The following DLGAP4 variants were observed in gnomAD, a reference collection of about 807,000 sequenced individuals.
The protein encoded by DLGAP4 is DLG associated protein 4.
Under a neutral mutation model 86.9 loss-of-function variants are expected in DLGAP4, and 18 were observed. That is an observed-to-expected ratio of 0.21 (90% confidence interval 0.14 to 0.31). The LOEUF (loss-of-function observed/expected upper bound fraction) is 0.31, where lower values mean the gene tolerates loss of function less well. DLGAP4 is among the 10% of genes least tolerant of loss of function. DLGAP4 has a pLI of 1.00. For synonymous variants in DLGAP4, 548 were observed against 574.3 expected, an observed-to-expected ratio of 0.95 and a Z score of 0.65; for missense variants, 1,085 against 1,362.6, an observed-to-expected ratio of 0.80 and a Z score of 3.21.
At chr20:36,405,236 T>C (rs2032283287) in intron 2 of DLGAP4, among the ~76,000 whole-genome samples, 1 of 152,202 alleles carries the variant, frequency 6.6e-6, no homozygotes, top group Admixed American at 6.5e-5. Flanking sequence ...GTATGGACTC[T>C]GGATTTAAAC....
At chr20:36,468,926 C>T (rs1034576107) in intron 7 of DLGAP4, among the ~76,000 whole-genome samples, 5 of 152,170 alleles carry the variant, frequency 3.3e-5, no homozygotes, top group African/African-American at 1.2e-4. Flanking sequence ...CTCATTCTCC[C>T]GTATATTCAT....
At chr20:36,382,527 C>CTTTTTTTTTTTTTTTTTTTTTTTTTT (rs749210064) in intron 2 of DLGAP4, among the ~76,000 whole-genome samples, 4 of 110,470 alleles carry the variant, frequency 3.6e-5, no homozygotes, top group Non-Finnish European at 5.4e-5. Flanking sequence ...TTCTTTTTTT[C>CTTTTTTTTTTTTTTTTTTTTTTTTTT]TTTTTTTTTT....
intron 10 of DLGAP4, among the ~76,000 whole-genome samples, chr20:36,519,415 G>A (rs991103245): frequency 6.6e-6 from 1 of 152,146 alleles, no homozygotes; most frequent in African/African-American, 2.4e-5. Flanking sequence ...ATGAGGTTTA[G>A]AGTTTTCTGT....
chr20:36,509,228 G>A (rs1383821086), intron 10 of DLGAP4, among the ~76,000 whole-genome samples: 1 of 152,088 alleles, frequency 6.6e-6, no homozygotes, highest in Non-Finnish European at 1.5e-5. Flanking sequence ...TTCAAAACTA[G>A]CCTGGACAAC....
chr20:36,380,560 C>A (rs922516047), intron 2 of DLGAP4, among the ~76,000 whole-genome samples: 9 of 148,446 alleles, frequency 6.1e-5, no homozygotes, highest in Non-Finnish European at 1.2e-4. Flanking sequence ...TACACTCCAG[C>A]CTGGATGAGA....
At chr20:36,453,487 A>G (rs925172474) in intron 7 of DLGAP4, among the ~76,000 whole-genome samples, 6 of 151,982 alleles carry the variant, frequency 3.9e-5, no homozygotes, top group African/African-American at 1.5e-4. Context: ...CTGTCTCTAC[A>G]AAATAAAAAA....
rs907340863 is a variant in DLGAP4, at chr20:36,308,876, G to T, written c.-304+2364G>T. On this transcript the variant is annotated intron_variant, in intron 1 of 12. Coordinates refer to ENST00000339266, the MANE Select transcript of DLGAP4 (RefSeq NM_001365621.2). This position sits in a 1 kb window ranked among gnomAD's most constrained non-coding sequence, Gnocchi z 4.5. The stretch of plus-strand genomic sequence containing the variant: ...CTGAAATGTGAATTAATAAAATCTT[G>T]AATGCAGGGTTTTTTTTTATAGAAA... 1.1e-4 allele frequency among the ~76,000 whole-genome samples: 16 copies of T among 152,204 alleles called. No homozygotes were observed. The highest frequency in any genetic ancestry group is 2.1e-4 in the South Asian group (1 of 4,814).
chr20:36,427,956 T>C (rs1273097157), intron 2 of DLGAP4, among the ~76,000 whole-genome samples: 2 of 150,562 alleles, frequency 1.3e-5, no homozygotes, highest in Non-Finnish European at 1.5e-5. Context: ...AAAATAAAAA[T>C]AAAAAAGGGA....
intron 2 of DLGAP4, among the ~76,000 whole-genome samples, chr20:36,405,466 G>A (rs1340596026): frequency 2.6e-5 from 4 of 152,158 alleles, no homozygotes; most frequent in Admixed American, 6.5e-5. Flanking sequence ...GTACACATGC[G>A]AGGGAGGCTG....
chr20:36,384,960 T>C (rs2031542038), intron 2 of DLGAP4, among the ~76,000 whole-genome samples: 2 of 151,930 alleles, frequency 1.3e-5, no homozygotes, highest in Non-Finnish European at 2.9e-5. Flanking sequence ...TGGAAGGGGG[T>C]TACTTAGCTA....
intron 3 of DLGAP4, among the ~76,000 whole-genome samples, chr20:36,435,852 G>C (rs549860329): frequency 6.6e-6 from 1 of 152,258 alleles, no homozygotes; most frequent in Non-Finnish European, 1.5e-5. Flanking sequence ...ATGACCACAG[G>C]GCCTAGGGCA....
intron 2 of DLGAP4, among the ~76,000 whole-genome samples, chr20:36,382,598 C>T (rs1164620342): frequency 2.1e-5 from 3 of 140,966 alleles, no homozygotes; most frequent in Non-Finnish European, 3.0e-5. Flanking sequence ...GGCACGATCT[C>T]GGCTCACTGC....
At position 36,431,843 on chromosome 20, in the gene DLGAP4, C is replaced by T. The variant is rs145193345; in HGVS notation, c.126C>T (p.Arg42=). 60 of 1,613,858 alleles carry T rather than the reference C, an allele frequency of 3.7e-5. 1 individual carries two copies. Among genetic ancestry groups the T allele is most frequent in the African/African-American group, 9.3e-5 (7 of 74,934 alleles). The change falls in exon 3 of 13, where the codon CGC becomes CGT. Residue 42 remains arginine (R), a synonymous_variant. Coordinates refer to ENST00000339266, the MANE Select transcript of DLGAP4 (RefSeq NM_001365621.2). The surrounding 1 kb of genome is among the most constrained non-coding windows in gnomAD (Gnocchi z 5.1). Reference sequence around the variant, plus strand: ...TGTCGCCCACGGAGGCCTTCGCCCGCGAGGCCCGCTTCCCCGGGCAGAACA... The same window carrying T: ...TGTCGCCCACGGAGGCCTTCGCCCGTGAGGCCCGCTTCCCCGGGCAGAACA... ...YLLSPTEAFA[R]EARFPGQNTL...
chr20:36,410,033 CAAAA>C (rs11475768), intron 2 of DLGAP4, among the ~76,000 whole-genome samples: 2 of 94,756 alleles, frequency 2.1e-5, no homozygotes, highest in Non-Finnish European at 2.2e-5. Context: ...GACTCCGTCT[CAAAA>C]AAAAAAAAAA....
chr20:36,432,740 G>A lies in DLGAP4; in HGVS notation c.999+24G>A. On this transcript the variant is annotated intron_variant, in intron 3 of 12. Transcript: ENST00000339266. This position sits in a 1 kb window ranked among gnomAD's most constrained non-coding sequence, Gnocchi z 6.5. Reference sequence around the variant, plus strand: ...AGGTGGGTCTCTGGCAGGGTCAGGGGTGGGATGAGGGCTCTGGGGACGGCA... The same window carrying A: ...AGGTGGGTCTCTGGCAGGGTCAGGGATGGGATGAGGGCTCTGGGGACGGCA... 1 of 1,610,048 alleles carries A rather than the reference G, an allele frequency of 6.2e-7. No homozygotes were observed. Among genetic ancestry groups the A allele is most frequent in the Non-Finnish European group, 8.5e-7 (1 of 1,178,370 alleles).
At chr20:36,428,279 T>C (rs2033035460) in intron 2 of DLGAP4, among the ~76,000 whole-genome samples, 1 of 152,210 alleles carries the variant, frequency 6.6e-6, no homozygotes, top group African/African-American at 2.4e-5. Flanking sequence ...AATTAAAAAT[T>C]CAGTTTCCCA....
At chr20:36,456,484 G>C (rs1237216571) in intron 7 of DLGAP4, among the ~76,000 whole-genome samples, 1 of 152,224 alleles carries the variant, frequency 6.6e-6, no homozygotes, top group Non-Finnish European at 1.5e-5. Context: ...GTGAGGTCAG[G>C]ACAGGGGCCA....
At chr20:36,313,269 G>A (rs1011914474) in intron 1 of DLGAP4, among the ~76,000 whole-genome samples, 1 of 152,264 alleles carries the variant, frequency 6.6e-6, no homozygotes, top group Admixed American at 6.5e-5. Flanking sequence ...CAGGGGGAAA[G>A]GTTCTTCCCA....
chr20:36,521,472 A>T (rs573571504), intron 10 of DLGAP4, among the ~76,000 whole-genome samples: 2 of 152,288 alleles, frequency 1.3e-5, no homozygotes, highest in African/African-American at 4.8e-5. Flanking sequence ...TCTTTAAACT[A>T]AGCCAGACAC....
Sources: allele counts gnomAD v4.1 joint callset (sites outside exome capture counted in the v4.1 genomes callset), GRCh38; gene constraint gnomAD v4.1.1; non-coding constraint Gnocchi (gnomAD v3.1); transcripts MANE v1.5; gene names NCBI Gene and HGNC (gene_info 2026-07-23, HGNC 2026-07-21).